ELP4: variants seen among roughly 807,000 people sequenced by gnomAD.
The protein encoded by ELP4 is elongator acetyltransferase complex subunit 4.
Under a neutral mutation model 48.9 loss-of-function variants are expected in ELP4, and 51 were observed. The observed-to-expected ratio is 1.04, with a 90% CI of 0.83 to 1.32. The LOEUF (loss-of-function observed/expected upper bound fraction) is 1.32, where lower values mean the gene tolerates loss of function less well. Among genes scored for constraint, ELP4 ranks in the 40% most tolerant of loss-of-function variants. The pLI is 0.00. For missense variants in ELP4, 519 were observed against 514.6 expected, an observed-to-expected ratio of 1.01 and a Z score of -0.08; for synonymous variants, 210 against 189.2, an observed-to-expected ratio of 1.11 and a Z score of -0.90.
chr11:31,721,497 T>A (rs1420635208), intron 9 of ELP4, among the ~76,000 whole-genome samples: 5 of 152,172 alleles, frequency 3.3e-5, no homozygotes, highest in Admixed American at 6.6e-5. Flanking sequence ...CTTTTTTTTT[T>A]AATATCCTTT....
At chr11:31,710,264 G>C (rs534778216) in intron 9 of ELP4, among the ~76,000 whole-genome samples, 41 of 152,270 alleles carry the variant, frequency 2.7e-4, no homozygotes, top group African/African-American at 9.1e-4. Context: ...AACAAGATTT[G>C]TATGGACAGA....
intron 9 of ELP4, among the ~76,000 whole-genome samples, chr11:31,655,880 G>C (rs1380100272): frequency 6.6e-6 from 1 of 151,804 alleles, no homozygotes; most frequent in Non-Finnish European, 1.5e-5. Flanking sequence ...GTACTGTACT[G>C]GGGAAAAATG....
intron 1 of ELP4, among the ~76,000 whole-genome samples, chr11:31,517,163 C>CA (rs1420471690): frequency 2.0e-5 from 3 of 150,720 alleles, no homozygotes; most frequent in African/African-American, 4.9e-5. Flanking sequence ...TTTTGCAAGG[C>CA]AAAAAATAAA....
chr11:31,685,703 G>A (rs58450703), intron 9 of ELP4, among the ~76,000 whole-genome samples: 4,350 of 152,152 alleles, frequency 0.029, 206 homozygotes, highest in African/African-American at 0.099. Context: ...GAGGCCAGGC[G>A]CGCAGATCAC....
At chr11:31,650,515 G>A (rs1048213328) in intron 9 of ELP4, 1 of 251,426 alleles carries the variant, frequency 4.0e-6, no homozygotes, top group Non-Finnish European at 7.4e-6. Context: ...GCTTTGAAAA[G>A]CATATTTAAT....
At chr11:31,549,302 T>C (rs936491939) in intron 3 of ELP4, among the ~76,000 whole-genome samples, 8 of 151,326 alleles carry the variant, frequency 5.3e-5, no homozygotes, top group Non-Finnish European at 1.0e-4. Context: ...AAAAAACAAA[T>C]AACCCCATCA....
At chr11:31,535,913 G>A (rs1278861043) in intron 2 of ELP4, among the ~76,000 whole-genome samples, 1 of 151,962 alleles carries the variant, frequency 6.6e-6, no homozygotes, top group Non-Finnish European at 1.5e-5. Context: ...CCATGTTGTT[G>A]CATGTATAGT....
In ELP4 at chr11:31,644,853, A is replaced by G. The variant is rs114221139; in HGVS notation, c.928-2888A>G. On this transcript the variant is annotated intron_variant, in intron 7 of 9. Transcript: ENST00000640961. Reference sequence around the variant, plus strand: ...AAGCCCAAATATCTTTTATGCTCCTACACATAACTAGAAGGTTGAATAAGT... The same window carrying G: ...AAGCCCAAATATCTTTTATGCTCCTGCACATAACTAGAAGGTTGAATAAGT... Among the ~76,000 whole-genome samples the G allele has an allele frequency of 4.9e-3, 738 of 151,830 alleles. 7 individuals carry two copies. Among genetic ancestry groups the G allele is most frequent in the African/African-American group, 0.015 (614 of 41,500 alleles).
chr11:31,631,221 A>G (rs1445584161), intron 6 of ELP4, among the ~76,000 whole-genome samples: 1 of 152,178 alleles, frequency 6.6e-6, no homozygotes, highest in Non-Finnish European at 1.5e-5. Context: ...GTTAGACAAT[A>G]ACTAGTTGGT....
intron 3 of ELP4, among the ~76,000 whole-genome samples, chr11:31,579,659 A>T (rs1334609923): frequency 1.3e-5 from 2 of 152,016 alleles, no homozygotes; most frequent in Non-Finnish European, 2.9e-5. Flanking sequence ...GCTGGAAACC[A>T]TCATTCTGAG....
chr11:31,690,699 A>G (rs1014837534), intron 9 of ELP4, among the ~76,000 whole-genome samples: 1 of 151,810 alleles, frequency 6.6e-6, no homozygotes, highest in Admixed American at 6.6e-5. Flanking sequence ...GCCTCTGGCC[A>G]AAAACAATAA....
chr11:31,514,055 T>G (rs1200710895), intron 1 of ELP4, among the ~76,000 whole-genome samples: 1 of 152,234 alleles, frequency 6.6e-6, no homozygotes, highest in African/African-American at 2.4e-5. Flanking sequence ...TCATGATTCT[T>G]TAACCTTTCA....
At chr11:31,577,699 G>A (rs990587656) in intron 3 of ELP4, among the ~76,000 whole-genome samples, 18 of 152,092 alleles carry the variant, frequency 1.2e-4, no homozygotes, top group Non-Finnish European at 1.6e-4. Flanking sequence ...AAAACCACAC[G>A]ATTATATGAA....
intron 9 of ELP4, among the ~76,000 whole-genome samples, chr11:31,692,898 G>T (rs986833481): frequency 6.6e-6 from 1 of 151,948 alleles, no homozygotes; most frequent in Non-Finnish European, 1.5e-5. Flanking sequence ...TTATGCTCTG[G>T]TAGCATCCTG....
intron 3 of ELP4, among the ~76,000 whole-genome samples, chr11:31,585,558 C>A (rs1957457662): frequency 6.6e-6 from 1 of 152,010 alleles, no homozygotes; most frequent in South Asian, 2.1e-4. Context: ...ACACATCAAT[C>A]TGAAAGAAAA....
At chr11:31,779,735 C>G (rs1171971069) in intron 9 of ELP4, 1 of 152,188 alleles carries the variant, frequency 6.6e-6, no homozygotes, top group African/African-American at 2.4e-5. Flanking sequence ...GGGATTACAG[C>G]AAATCACCCT....
intron 4 of ELP4, among the ~76,000 whole-genome samples, chr11:31,596,122 G>A (rs1957666952): frequency 6.6e-6 from 1 of 151,888 alleles, no homozygotes; most frequent in African/African-American, 2.4e-5. Flanking sequence ...ATCTTTCTCT[G>A]GGTTGGGTGC....
At chr11:31,673,213 C>T (rs556202375) in intron 9 of ELP4, among the ~76,000 whole-genome samples, 12 of 152,186 alleles carry the variant, frequency 7.9e-5, no homozygotes, top group South Asian at 6.2e-4. Flanking sequence ...GATGGGGTTT[C>T]GCCATGTTGG....
intron 9 of ELP4, among the ~76,000 whole-genome samples, chr11:31,686,930 G>A (rs1946174144): frequency 6.6e-6 from 1 of 152,008 alleles, no homozygotes; most frequent in African/African-American, 2.4e-5. Context: ...GTGGGGTGGG[G>A]TGACAAGACT....
Sources: allele counts gnomAD v4.1 joint callset (sites outside exome capture counted in the v4.1 genomes callset), GRCh38; gene constraint gnomAD v4.1.1; transcripts MANE v1.5; gene names NCBI Gene and HGNC (gene_info 2026-07-23, HGNC 2026-07-21).